CCSER1: variants seen among roughly 807,000 people sequenced by gnomAD.
The protein encoded by CCSER1 is serine-rich coiled-coil domain-containing protein 1.
CCSER1 carries 41 observed loss-of-function variants against 82.0 expected under a neutral mutation model. The ratio of observed to expected loss-of-function variants is 0.50; its 90% confidence interval spans 0.39 to 0.65. The LOEUF (loss-of-function observed/expected upper bound fraction) is 0.65, where lower values mean the gene tolerates loss of function less well. CCSER1 is among the 30% of genes least tolerant of loss of function. The pLI is 0.00. For synonymous variants in CCSER1, 414 were observed against 383.9 expected (o/e 1.08, Z -0.92); for missense variants, 1,119 against 1,064.2 (o/e 1.05, Z -0.72).
intron 1 of CCSER1, among the ~76,000 whole-genome samples, chr4:90,239,177 T>C (rs1406498827): frequency 6.6e-6 from 1 of 152,124 alleles, no homozygotes; most frequent in African/African-American, 2.4e-5. Context: ...CAAAAACACA[T>C]TTTTTGAGTA....
chr4:91,598,904 T>C lies in CCSER1; in HGVS notation c.2550T>C (p.Val850=). ...STFLEKPKDQ[V]ATARQHSTFT... is the part of the protein sequence containing the mutation. ...TCTTAGAGAAACCAAAGGACCAAGT[T>C]GCTACGGCCCGACAGCATTCGACCT... is the stretch of plus-strand genomic sequence containing the variant. The change falls in exon 11 of 11, where the codon GTT becomes GTC. Residue 850 remains valine, a synonymous_variant. Coordinates refer to ENST00000509176, the MANE Select transcript of CCSER1 (RefSeq NM_001145065.2). The C allele has an allele frequency of 6.4e-7, 1 of 1,551,622 alleles. No individual in the cohort carries two copies. The highest frequency in any genetic ancestry group is 8.7e-7 in the Non-Finnish European group (1 of 1,146,936).
chr4:91,346,774 A>G (rs899262914), intron 10 of CCSER1, among the ~76,000 whole-genome samples: 7 of 152,172 alleles, frequency 4.6e-5, no homozygotes, highest in Admixed American at 3.9e-4. Flanking sequence ...TGCCATCTGT[A>G]TATCTGTTTT....
At chr4:90,393,113 C>G (rs928479866) in intron 3 of CCSER1, among the ~76,000 whole-genome samples, 1 of 152,156 alleles carries the variant, frequency 6.6e-6, no homozygotes, top group Non-Finnish European at 1.5e-5. Context: ...AATCTTGTCA[C>G]TTGTACATCT....
intron 10 of CCSER1, among the ~76,000 whole-genome samples, chr4:91,217,484 A>G (rs1737343268): frequency 6.6e-6 from 1 of 152,030 alleles, no homozygotes; most frequent in African/African-American, 2.4e-5. Flanking sequence ...GCATTCACAA[A>G]CCTTGAGCTA....
chr4:90,165,283 A>G (rs1730251721), intron 1 of CCSER1, among the ~76,000 whole-genome samples: 1 of 152,082 alleles, frequency 6.6e-6, no homozygotes, highest in South Asian at 2.1e-4. Flanking sequence ...AACTGTTCTA[A>G]ATCCTCTAAA....
chr4:91,518,533 C>A (rs1315908645), intron 10 of CCSER1, among the ~76,000 whole-genome samples: 4 of 152,158 alleles, frequency 2.6e-5, no homozygotes, highest in Admixed American at 6.5e-5. Context: ...AAACGTGGAG[C>A]TGCTCCTACT....
At chr4:90,995,942 C>T (rs748880841) in intron 9 of CCSER1, among the ~76,000 whole-genome samples, 14 of 151,936 alleles carry the variant, frequency 9.2e-5, no homozygotes, top group South Asian at 4.1e-4. Context: ...ATAAGCATCA[C>T]CTCTGTGTAT....
At chr4:90,657,833 G>T (rs1469088232) in intron 6 of CCSER1, among the ~76,000 whole-genome samples, 4 of 152,192 alleles carry the variant, frequency 2.6e-5, no homozygotes, top group African/African-American at 4.8e-5. Flanking sequence ...GCCAGTCACA[G>T]TGGCTCACAC....
At chr4:90,616,557 C>T (rs79429760) in intron 5 of CCSER1, among the ~76,000 whole-genome samples, 6,148 of 151,666 alleles carry the variant, frequency 0.041, 400 homozygotes, top group African/African-American at 0.14. Flanking sequence ...TGGTAGCACA[C>T]GCCTCTAATC....
chr4:90,807,281 T>G (rs1757647421), intron 7 of CCSER1, among the ~76,000 whole-genome samples: 2 of 152,244 alleles, frequency 1.3e-5, no homozygotes, highest in Middle Eastern at 3.4e-3. Flanking sequence ...CCTTTTACCA[T>G]TAACAGTAAT....
At chr4:91,558,749 G>A (rs1185774591) in intron 10 of CCSER1, among the ~76,000 whole-genome samples, 2 of 151,476 alleles carry the variant, frequency 1.3e-5, no homozygotes, top group African/African-American at 2.4e-5. Context: ...TTCACTATAC[G>A]AGAGTAGCAG....
intron 9 of CCSER1, among the ~76,000 whole-genome samples, chr4:91,029,879 A>T (rs758353750): frequency 1.3e-5 from 2 of 152,156 alleles, no homozygotes; most frequent in Non-Finnish European, 2.9e-5. Context: ...CTGCAAAAGC[A>T]TGGGCATTAA....
rs570063100 is a variant in CCSER1 at position 90,724,487 on chromosome 4, A to G, written c.2010+496A>G. Among the ~76,000 whole-genome samples the G allele has an allele frequency of 1.2e-4, 18 of 152,046 alleles. No individual in the cohort carries two copies. The East Asian group carries it at 3.1e-3, about 26-fold the overall frequency. On this transcript the variant is annotated intron_variant, in intron 7 of 10. Coordinates refer to ENST00000509176, the MANE Select transcript of CCSER1 (RefSeq NM_001145065.2). ...AATAAATATTGGAGTAAATATGCAA[A>G]TAAGTATGTGGTATGACTGGTGGCA...
At chr4:91,038,193 A>G (rs1741618957) in intron 9 of CCSER1, among the ~76,000 whole-genome samples, 1 of 152,208 alleles carries the variant, frequency 6.6e-6, no homozygotes, top group South Asian at 2.1e-4. Context: ...GTAAGTACTG[A>G]CTGTCCTTGT....
At chr4:91,164,092 G>A (rs1361773168) in intron 10 of CCSER1, among the ~76,000 whole-genome samples, 3 of 152,106 alleles carry the variant, frequency 2.0e-5, no homozygotes, top group Non-Finnish European at 4.4e-5. Context: ...CATATTTAGT[G>A]CTTCCTTCAG....
intron 10 of CCSER1, among the ~76,000 whole-genome samples, chr4:91,542,915 A>C (rs1761682542): frequency 6.6e-6 from 1 of 152,068 alleles, no homozygotes; most frequent in South Asian, 2.1e-4. Flanking sequence ...AAAGTCTCCC[A>C]TTATTATTGT....
At chr4:90,730,268 G>C (rs192680839) in intron 7 of CCSER1, among the ~76,000 whole-genome samples, 579 of 152,314 alleles carry the variant, frequency 3.8e-3, no homozygotes, top group Middle Eastern at 0.017. Flanking sequence ...ATTTTTGTGT[G>C]TGTATGAGAG....
At chr4:90,471,996 C>A (rs960155962) in intron 5 of CCSER1, among the ~76,000 whole-genome samples, 4 of 151,654 alleles carry the variant, frequency 2.6e-5, no homozygotes, top group African/African-American at 9.7e-5. Context: ...AAATAGTAGA[C>A]ATAAAATAAT....
At chr4:91,039,386 A>T (rs921963809) in intron 9 of CCSER1, among the ~76,000 whole-genome samples, 3 of 152,108 alleles carry the variant, frequency 2.0e-5, no homozygotes, top group African/African-American at 7.2e-5. Context: ...ATGTTCTGTG[A>T]AAAAGTTATA....
Sources: allele counts gnomAD v4.1 joint callset (sites outside exome capture counted in the v4.1 genomes callset), GRCh38; gene constraint gnomAD v4.1.1; transcripts MANE v1.5; gene names NCBI Gene and HGNC (gene_info 2026-07-23, HGNC 2026-07-21).